The following XRCC5 variants were observed in gnomAD, a reference collection of about 807,000 sequenced individuals.
The protein encoded by XRCC5 is X-ray repair cross complementing 5, also known as DNA repair protein Ku80.
XRCC5 carries 12 observed loss-of-function variants against 95.7 expected under a neutral mutation model. The ratio of observed to expected loss-of-function variants is 0.13; its 90% CI spans 0.08 to 0.20. The LOEUF is 0.20. Ranked by LOEUF, XRCC5 falls within the 10% of genes least tolerant of loss-of-function variation. The probability of loss-of-function intolerance (pLI) is 1.00; values close to 1 mark genes in which losing one functional copy is unlikely to be tolerated. For synonymous variants in XRCC5, 281 were observed against 290.3 expected (o/e 0.97, Z 0.33); for missense variants, 595 against 873.9 (o/e 0.68, Z 4.02).
Position 216,113,147 on chromosome 2 carries a change from ACT to A in XRCC5, c.135+19_135+20del. 1 of 1,602,410 alleles carries A rather than the reference ACT, an allele frequency of 6.2e-7. No individual in the cohort carries two copies. ...AGCGACAGGTAAGTTTCAGATTGAC[ACT>A]GAGCTTGTAACCCATGTTTGAACTG... On this transcript the variant is annotated intron_variant, in intron 2 of 20. Coordinates refer to ENST00000392132, the MANE Select transcript of XRCC5 (RefSeq NM_021141.4).
At chr2:216,112,204 G>C (rs560759941) in intron 1 of XRCC5, among the ~76,000 whole-genome samples, 2 of 152,216 alleles carry the variant, frequency 1.3e-5, no homozygotes, top group African/African-American at 2.4e-5. Flanking sequence ...TCCTACATAC[G>C]TGATTGCTAT....
At chr2:216,138,506 T>C (rs1046413264) in intron 12 of XRCC5, among the ~76,000 whole-genome samples, 1 of 152,258 alleles carries the variant, frequency 6.6e-6, no homozygotes, top group African/African-American at 2.4e-5. Flanking sequence ...GTATCAAACC[T>C]GTGACTTTAG....
intron 19 of XRCC5, among the ~76,000 whole-genome samples, chr2:216,200,273 G>A (rs1182771100): frequency 6.6e-6 from 1 of 152,304 alleles, no homozygotes; most frequent in Non-Finnish European, 1.5e-5. Context: ...GTGTGTGAGA[G>A]TGCACAGGAA....
chr2:216,169,645 A>G (rs1689118350), intron 16 of XRCC5, among the ~76,000 whole-genome samples: 1 of 152,184 alleles, frequency 6.6e-6, no homozygotes, highest in South Asian at 2.1e-4. Flanking sequence ...CTTGCCTGGC[A>G]TGGCCTTAGG....
At chr2:216,149,591 A>G (rs1163039613) in intron 14 of XRCC5, among the ~76,000 whole-genome samples, 2 of 138,760 alleles carry the variant, frequency 1.4e-5, no homozygotes, top group African/African-American at 2.5e-5. Flanking sequence ...TCTCACTGCA[A>G]TCACAGGGCT....
chr2:216,135,172 T>G (rs1697054862), intron 10 of XRCC5, among the ~76,000 whole-genome samples: 1 of 152,156 alleles, frequency 6.6e-6, no homozygotes, highest in Admixed American at 6.6e-5. Context: ...TTGATAAGGT[T>G]AACCGTGATA....
At chr2:216,164,203 A>G (rs1273456467) in intron 16 of XRCC5, among the ~76,000 whole-genome samples, 1 of 152,212 alleles carries the variant, frequency 6.6e-6, no homozygotes, top group East Asian at 1.9e-4. Context: ...TTGAAGGAAA[A>G]TTGAGACTTT....
chr2:216,148,854 G>C (rs1688687524), intron 14 of XRCC5, among the ~76,000 whole-genome samples: 1 of 152,118 alleles, frequency 6.6e-6, no homozygotes, highest in African/African-American at 2.4e-5. Context: ...TGGCTATTAA[G>C]TTTTTTCCCT....
Position 216,125,939 on chromosome 2 carries a change from G to C in XRCC5, c.706G>C (p.Val236Leu), listed in dbSNP as rs760212422. The change falls in exon 7 of 21, where the codon GTC becomes CTC. Residue 236 changes from valine to leucine, a missense_variant. This residue lies in a region of XRCC5 where 286 missense variants were observed against 491.1 expected (regional missense o/e 0.58). Transcript: ENST00000392132. The stretch of plus-strand genomic sequence containing the variant: ...AAGTGAGAGTCTGAGAAAACTGTGC[G>C]TCTTCAAGAAAATTGAGAGGCATTC... ...SFSESLRKLC[V>L]FKKIERHSIH... The C allele has an allele frequency of 4.3e-6, 7 of 1,613,566 alleles. No individual in the cohort carries two copies. The South Asian group carries it at 7.7e-5, about 18-fold the overall frequency.
intron 13 of XRCC5, among the ~76,000 whole-genome samples, chr2:216,143,337 C>G (rs1697200480): frequency 1.3e-5 from 2 of 152,158 alleles, no homozygotes; most frequent in Admixed American, 1.3e-4. Flanking sequence ...GACCTAAAGC[C>G]TTGTGCCATT....
chr2:216,123,711 C>A (rs1185301685), intron 6 of XRCC5, among the ~76,000 whole-genome samples: 1 of 152,136 alleles, frequency 6.6e-6, no homozygotes, highest in African/African-American at 2.4e-5. Context: ...GAGGCTGAGG[C>A]AAGTGAATCA....
chr2:216,167,541 A>T (rs1179299739), intron 16 of XRCC5, among the ~76,000 whole-genome samples: 1 of 150,748 alleles, frequency 6.6e-6, no homozygotes, highest in Non-Finnish European at 1.5e-5. Context: ...GTGATCTAGC[A>T]GAAATCTCTC....
rs545420878 is a variant in XRCC5 at position 216,147,798 on chromosome 2, T to C, written c.1477-285T>C. ...TAGGGAATCTTGTATATTCCCCAAG[T>C]AGTAAAAACAACAGCTTTGATTTAT... is the stretch of plus-strand genomic sequence containing the variant. On this transcript the variant is annotated intron_variant, in intron 13 of 20. Transcript: ENST00000392132. 1.0e-3 allele frequency among the ~76,000 whole-genome samples: 154 copies of C among 152,296 alleles called. 1 individual carries two copies. Among genetic ancestry groups the C allele is most frequent in the African/African-American group, 3.5e-3 (146 of 41,564 alleles).
chr2:216,140,065 G>A (rs114307210), intron 12 of XRCC5, among the ~76,000 whole-genome samples: 2,054 of 152,306 alleles, frequency 0.013, 13 homozygotes, highest in Non-Finnish European at 0.022. Flanking sequence ...ATGTTCACAT[G>A]TACAAGTACT....
intron 10 of XRCC5, among the ~76,000 whole-genome samples, chr2:216,135,317 G>A: frequency 6.6e-6 from 1 of 152,028 alleles, no homozygotes; most frequent in Admixed American, 6.6e-5. Context: ...CCAGAGATTA[G>A]TAAAGGGGCA....
rs926698080 is a variant in XRCC5 at position 216,192,569 on chromosome 2, G to A, written c.1945-70G>A. The A allele has an allele frequency of 2.8e-6, 3 of 1,071,040 alleles. No homozygotes were observed. In the East Asian group the frequency reaches 7.9e-5, roughly 28 times the overall value. The allele number at this position is 1,071,040 out of a possible 1,614,324, so 66.3% of individuals were successfully genotyped here. A position where few individuals can be genotyped will look rare whatever the true frequency, so the allele number is the denominator to read the frequency against. On this transcript the variant is annotated intron_variant, in intron 17 of 20. Transcript: ENST00000392132. The stretch of plus-strand genomic sequence containing the variant: ...AGGTGATTCAGACCAAACTTTGTTT[G>A]GTCTGGGGTGAATTTGTTTTTGTGT...
intron 19 of XRCC5, among the ~76,000 whole-genome samples, chr2:216,199,808 ATCTTTTTTTTTTTTT>A (rs1689801718): frequency 8.2e-6 from 1 of 121,890 alleles, no homozygotes. Context: ...TGGCATTGGG[ATCTTTTTTTTTTTTT>A]TTTTTTTTTT....
rs140590969 is a variant in XRCC5, at chr2:216,195,082, A to G, written c.2109+96A>G. The G allele has an allele frequency of 3.6e-6, 4 of 1,120,894 alleles. No individual in the cohort carries two copies. The South Asian group carries it at 3.8e-5, about 11-fold the overall frequency. The allele number at this position is 1,120,894 out of a possible 1,614,324, so 69.4% of individuals were successfully genotyped here. A position where few individuals can be genotyped will look rare whatever the true frequency, so the allele number is the denominator to read the frequency against. ...GAAGTTAAATTTTATGGGTAACTAA[A>G]TTAGTGTACTCATTTTGTATTCAAT... On this transcript the variant is annotated intron_variant, in intron 19 of 20. Transcript: ENST00000392132.
chr2:216,137,332 A>G lies in XRCC5; in HGVS notation c.1251+107A>G, dbSNP rs996731398. On this transcript the variant is annotated intron_variant, in intron 11 of 20. Transcript: ENST00000392132. ...ACAATTACTTGGGGATCTTGTTAAAATGCAGATCCTCATTGTGTAGTTCTG... is the reference window on the plus strand; with the variant it reads ...ACAATTACTTGGGGATCTTGTTAAAGTGCAGATCCTCATTGTGTAGTTCTG... 8.4e-6 allele frequency: 11 copies of G among 1,306,450 alleles called. No individual in the cohort carries two copies. In the African/African-American group the frequency reaches 1.6e-4, roughly 19 times the overall value. 80.9% of individuals were successfully genotyped at this position (1,306,450 alleles called of 1,614,324 possible). A position where few individuals can be genotyped will look rare whatever the true frequency, so the allele number is the denominator to read the frequency against.
Sources: allele counts gnomAD v4.1 joint callset (sites outside exome capture counted in the v4.1 genomes callset), GRCh38; gene constraint gnomAD v4.1.1; regional missense constraint gnomAD v4.1.1; transcripts MANE v1.5; gene names NCBI Gene and HGNC (gene_info 2026-07-23, HGNC 2026-07-21).